ATP8A1: variants seen among roughly 807,000 people sequenced by gnomAD.
The protein encoded by ATP8A1 is phospholipid-transporting ATPase IA.
In ATP8A1, 90 loss-of-function variants were observed where a neutral mutation model predicts 177.7. That is an observed-to-expected ratio of 0.51 (90% CI 0.43 to 0.60). The LOEUF (loss-of-function observed/expected upper bound fraction) is 0.60. Among genes scored for constraint, ATP8A1 ranks in the 20% least tolerant of loss-of-function variants. The probability of loss-of-function intolerance (pLI) is 0.00; values close to 1 mark genes in which losing one functional copy is unlikely to be tolerated. For missense variants in ATP8A1, 1,072 were observed against 1,392.8 expected, an observed-to-expected ratio of 0.77 and a Z score of 3.67; for synonymous variants, 493 against 485.9, an observed-to-expected ratio of 1.01 and a Z score of -0.19.
intron 27 of ATP8A1, among the ~76,000 whole-genome samples, chr4:42,456,200 A>AT (rs1718467446): frequency 6.6e-6 from 1 of 152,142 alleles, no homozygotes; most frequent in African/African-American, 2.4e-5. Context: ...ATGTTAATGG[A>AT]TATGTAACCT....
At chr4:42,572,356 G>C (rs12502828) in intron 14 of ATP8A1, among the ~76,000 whole-genome samples, 1 of 152,050 alleles carries the variant, frequency 6.6e-6, no homozygotes, top group Non-Finnish European at 1.5e-5. Context: ...AAAAGTGCTA[G>C]ACAGTAATTA....
At chr4:42,553,421 C>A (rs1163725091) in intron 16 of ATP8A1, among the ~76,000 whole-genome samples, 1 of 152,114 alleles carries the variant, frequency 6.6e-6, no homozygotes, top group African/African-American at 2.4e-5. Flanking sequence ...TTTAATGAAT[C>A]AAAAAATTAT....
At chr4:42,413,827 A>G (rs1189967527) in intron 36 of ATP8A1, among the ~76,000 whole-genome samples, 1 of 152,248 alleles carries the variant, frequency 6.6e-6, no homozygotes, top group Non-Finnish European at 1.5e-5. Context: ...CTCCATAAAT[A>G]TAGACAATTA....
chr4:42,446,326 C>G (rs1345248065), intron 31 of ATP8A1, among the ~76,000 whole-genome samples: 2 of 151,986 alleles, frequency 1.3e-5, no homozygotes, highest in African/African-American at 4.8e-5. Flanking sequence ...AGGAGACCCC[C>G]CAGATTTGGC....
intron 4 of ATP8A1, among the ~76,000 whole-genome samples, chr4:42,621,640 A>T (rs2109472085): frequency 6.6e-6 from 1 of 152,352 alleles, no homozygotes; most frequent in South Asian, 2.1e-4. Context: ...ATAGCCATAC[A>T]GCTCAAAGCA....
chr4:42,620,990 G>A (rs1737411884), intron 4 of ATP8A1, among the ~76,000 whole-genome samples: 1 of 152,196 alleles, frequency 6.6e-6, no homozygotes, highest in Non-Finnish European at 1.5e-5. Flanking sequence ...ATGATGCCTA[G>A]TAAATTAAAG....
intron 33 of ATP8A1, among the ~76,000 whole-genome samples, chr4:42,441,102 C>T (rs1312816357): frequency 6.6e-6 from 1 of 151,948 alleles, no homozygotes; most frequent in Non-Finnish European, 1.5e-5. Context: ...TGCTCTGGGC[C>T]GTGTTTCATT....
intron 24 of ATP8A1, among the ~76,000 whole-genome samples, chr4:42,493,333 G>T (rs1050111958): frequency 3.3e-5 from 5 of 151,984 alleles, no homozygotes; most frequent in African/African-American, 1.2e-4. Context: ...TCACCTTCTT[G>T]GAAAAGGGAA....
chr4:42,425,426 G>A (rs764967129), intron 33 of ATP8A1, among the ~76,000 whole-genome samples: 2 of 152,012 alleles, frequency 1.3e-5, no homozygotes, highest in Non-Finnish European at 1.5e-5. Flanking sequence ...ATGAATTGAG[G>A]GGAAAAAAGT....
At chr4:42,414,035 T>G (rs570904312) in intron 36 of ATP8A1, among the ~76,000 whole-genome samples, 1 of 152,260 alleles carries the variant, frequency 6.6e-6, no homozygotes, top group East Asian at 1.9e-4. Context: ...CCTCTTGAAG[T>G]ATAAAGAGCA....
intron 22 of ATP8A1, among the ~76,000 whole-genome samples, chr4:42,508,267 G>C (rs1724659372): frequency 6.6e-6 from 1 of 152,146 alleles, no homozygotes; most frequent in Non-Finnish European, 1.5e-5. Context: ...AGAGTAGCTT[G>C]GATTATAGGT....
intron 15 of ATP8A1, among the ~76,000 whole-genome samples, chr4:42,567,148 G>C (rs1731434798): frequency 6.6e-6 from 1 of 152,164 alleles, no homozygotes. Flanking sequence ...CGTAACCTTG[G>C]ACACAGTAGC....
chr4:42,606,406 A>G (rs181590900), intron 5 of ATP8A1, among the ~76,000 whole-genome samples: 1 of 152,312 alleles, frequency 6.6e-6, no homozygotes, highest in East Asian at 1.9e-4. Flanking sequence ...AAAAGTTTCC[A>G]GTGGCGTCTT....
chr4:42,554,324 C>T (rs79762476), intron 16 of ATP8A1, among the ~76,000 whole-genome samples: 3,785 of 152,174 alleles, frequency 0.025, 69 homozygotes, highest in South Asian at 0.044. Flanking sequence ...GACTTGGTGA[C>T]TCAGAGATCT....
At chr4:42,535,628 A>G (rs1421924427) in intron 20 of ATP8A1, among the ~76,000 whole-genome samples, 1 of 152,250 alleles carries the variant, frequency 6.6e-6, no homozygotes, top group Non-Finnish European at 1.5e-5. Flanking sequence ...ACAGATATTT[A>G]CAGAACATTG....
chr4:42,629,769 C>T (rs1044928602), intron 1 of ATP8A1, among the ~76,000 whole-genome samples: 1 of 152,134 alleles, frequency 6.6e-6, no homozygotes, highest in Non-Finnish European at 1.5e-5. Context: ...ATGAAGGTAC[C>T]TGGGAAAAAG....
At chr4:42,454,646 CTA>C (rs1718285858) in intron 29 of ATP8A1, among the ~76,000 whole-genome samples, 1 of 151,876 alleles carries the variant, frequency 6.6e-6, no homozygotes. Flanking sequence ...GGAAAGTAAA[CTA>C]TATAGAAAAT....
intron 27 of ATP8A1, among the ~76,000 whole-genome samples, chr4:42,462,331 A>T (rs1486835580): frequency 6.6e-6 from 1 of 152,228 alleles, no homozygotes; most frequent in Non-Finnish European, 1.5e-5. Context: ...TTTCTGGGCC[A>T]GGCCCAGGGT....
chr4:42,525,307 C>T (rs996904694), intron 20 of ATP8A1, among the ~76,000 whole-genome samples: 2 of 152,132 alleles, frequency 1.3e-5, no homozygotes. Flanking sequence ...CACAGTGGAT[C>T]TCGAAGGGGC....
Sources: allele counts gnomAD v4.1 joint callset (sites outside exome capture counted in the v4.1 genomes callset), GRCh38; gene constraint gnomAD v4.1.1; transcripts MANE v1.5; gene names NCBI Gene and HGNC (gene_info 2026-07-23, HGNC 2026-07-21).